Variants in GALNT15 observed in about 807,000 individuals in gnomAD.
GALNT15 encodes polypeptide N-acetylgalactosaminyltransferase 15.
Under a neutral mutation model 66.8 loss-of-function variants are expected in GALNT15, and 67 were observed. The ratio of observed to expected loss-of-function variants is 1.00; its 90% CI spans 0.82 to 1.23. GALNT15 has a LOEUF of 1.23. Among genes scored for constraint, GALNT15 ranks in the 50% most tolerant of loss-of-function variants. GALNT15 has a pLI of 0.00. For missense variants in GALNT15, 827 were observed against 804.3 expected (o/e 1.03, Z -0.34); for synonymous variants, 313 against 311.5 (o/e 1.00, Z -0.05).
At chr3:16,214,315 T>C (rs1006418379) in intron 6 of GALNT15, among the ~76,000 whole-genome samples, 2 of 152,240 alleles carry the variant, frequency 1.3e-5, no homozygotes, top group African/African-American at 2.4e-5. Flanking sequence ...TATAGTCTGA[T>C]GGTTAAGCCC....
Position 16,175,747 on chromosome 3 carries a change from A to G in GALNT15, c.539+57A>G. 6.8e-7 allele frequency: 1 copy of G among 1,465,720 alleles called. No individual in the cohort carries two copies. Among genetic ancestry groups the G allele is most frequent in the Non-Finnish European group, 9.1e-7 (1 of 1,097,510 alleles). 90.8% of individuals were successfully genotyped at this position (1,465,720 alleles called of 1,614,324 possible). A position where few individuals can be genotyped will look rare whatever the true frequency, so the allele number is the denominator to read the frequency against. On this transcript the variant is annotated intron_variant, in intron 1 of 9. Coordinates refer to ENST00000339732, the MANE Select transcript of GALNT15 (RefSeq NM_054110.5). This position sits in a 1 kb window ranked among gnomAD's most constrained non-coding sequence, Gnocchi z 5.6. Reference sequence around the variant, plus strand: ...TCCCAGGGCATGATCGGGTGGTAGCAAACTCGGGAATGCAAACTTTCCGTA... The same window carrying G: ...TCCCAGGGCATGATCGGGTGGTAGCGAACTCGGGAATGCAAACTTTCCGTA...
intron 2 of GALNT15, among the ~76,000 whole-genome samples, chr3:16,199,436 A>T (rs944059261): frequency 7.1e-6 from 1 of 141,450 alleles, no homozygotes; most frequent in African/African-American, 2.6e-5. Flanking sequence ...CTGCAATGAG[A>T]TCTCTTTGAC....
rs573435280 is a variant in GALNT15, at chr3:16,213,028, A to C, written c.1392+265A>C. 1.2e-4 allele frequency among the ~76,000 whole-genome samples: 19 copies of C among 152,050 alleles called. 2 individuals carry two copies. The South Asian group carries it at 4.0e-3, about 32-fold the overall frequency. On this transcript the variant is annotated intron_variant, in intron 6 of 9. Transcript: ENST00000339732. ...TGACATCTATGGGATGGGATCCCTCACCTGGGGCCAGGGGAGGGGTTGGCA... is the reference window on the plus strand; with the variant it reads ...TGACATCTATGGGATGGGATCCCTCCCCTGGGGCCAGGGGAGGGGTTGGCA...
intron 1 of GALNT15, among the ~76,000 whole-genome samples, chr3:16,179,174 A>T (rs561366385): frequency 1.1e-4 from 16 of 152,376 alleles, no homozygotes; most frequent in African/African-American, 3.8e-4. Flanking sequence ...TTGAGCACTT[A>T]CTATGTGCTA....
Position 16,181,879 on chromosome 3 carries a change from G to A in GALNT15, c.539+6189G>A, listed in dbSNP as rs555741401. ...CACAAACACCAACCTTCCAGCCCTC[G>A]AGTCCACAGTGGCCGCAGCAGAGGC... is the stretch of plus-strand genomic sequence containing the variant. On this transcript the variant is annotated intron_variant, in intron 1 of 9. Coordinates refer to ENST00000339732, the MANE Select transcript of GALNT15 (RefSeq NM_054110.5). This position sits in a 1 kb window ranked among gnomAD's most constrained non-coding sequence, Gnocchi z 5.9. Among the ~76,000 whole-genome samples the A allele has an allele frequency of 2.6e-5, 4 of 152,082 alleles. No homozygotes were observed. The highest frequency in any genetic ancestry group is 2.6e-4 in the Admixed American group (4 of 15,276).
chr3:16,232,346 G>A (rs941387479), downstream of GALNT15, among the ~76,000 whole-genome samples: 11 of 151,004 alleles, frequency 7.3e-5, no homozygotes, highest in Non-Finnish European at 1.5e-4. Context: ...CAGGAGGATC[G>A]CTTGAGCCCA....
chr3:16,175,521 A>C lies in GALNT15; in HGVS notation c.370A>C (p.Arg124=). 6.2e-7 allele frequency: 1 copy of C among 1,614,032 alleles called. No homozygotes were observed. ...GGSYRLIKQP[R]RQDKEAPKRD... ...GAGCTACCGCCTCATCAAGCAGCCAAGGAGGCAGGATAAGGAAGCCCCAAA... is the reference window on the plus strand; with the variant it reads ...GAGCTACCGCCTCATCAAGCAGCCACGGAGGCAGGATAAGGAAGCCCCAAA... Residue 124 remains arginine (R), a synonymous_variant, in exon 1 of 10, where the codon AGG becomes CGG. Coordinates refer to ENST00000339732, the MANE Select transcript of GALNT15 (RefSeq NM_054110.5). The surrounding 1 kb of genome is among the most constrained non-coding windows in gnomAD (Gnocchi z 5.6).
At position 16,203,154 on chromosome 3, in the gene GALNT15, G is replaced by T. The variant is rs933913209; in HGVS notation, c.911+2331G>T. ...AGCTGAGTCAGATTTTCTGACTCTG[G>T]GTCCAGTGCTGTTTTTATTGTGTAC... On this transcript the variant is annotated intron_variant, in intron 3 of 9. Coordinates refer to ENST00000339732, the MANE Select transcript of GALNT15 (RefSeq NM_054110.5). This position sits in a 1 kb window ranked among gnomAD's most constrained non-coding sequence, Gnocchi z 6.2. Among the ~76,000 whole-genome samples, 5 of 152,018 alleles carry T rather than the reference G, an allele frequency of 3.3e-5. No individual in the cohort carries two copies. Among genetic ancestry groups the T allele is most frequent in the African/African-American group, 1.2e-4 (5 of 41,388 alleles).
Position 16,209,522 on chromosome 3 carries a change from T to C in GALNT15, c.1079+852T>C, listed in dbSNP as rs1259728286. Among the ~76,000 whole-genome samples the C allele has an allele frequency of 1.3e-5, 2 of 152,172 alleles. No homozygotes were observed. Among genetic ancestry groups the C allele is most frequent in the Non-Finnish European group, 2.9e-5 (2 of 68,032 alleles). On this transcript the variant is annotated intron_variant, in intron 4 of 9. Coordinates refer to ENST00000339732, the MANE Select transcript of GALNT15 (RefSeq NM_054110.5). The surrounding 1 kb of genome is among the most constrained non-coding windows in gnomAD (Gnocchi z 4.1). ...TAAAAACCAAACATTTGTTTAATAA[T>C]TCATTAGGCAGCAGGCCAGATGCAG...
chr3:16,196,535 G>A (rs1383880836), intron 2 of GALNT15, among the ~76,000 whole-genome samples: 1 of 152,218 alleles, frequency 6.6e-6, no homozygotes, highest in East Asian at 1.9e-4. Context: ...AGCCCTAAAA[G>A]AAGATGGAGA....
chr3:16,237,258 C>T, the GALNT15 span, among the ~76,000 whole-genome samples: 1 of 152,194 alleles, frequency 6.6e-6, no homozygotes, highest in Non-Finnish European at 1.5e-5. The surrounding 1 kb of genome is among the most constrained non-coding windows in gnomAD (Gnocchi z 4.2). Flanking sequence ...ACCAGGCCAA[C>T]AAACCTTACT....
rs2063600655 is a variant in GALNT15 at position 16,193,460 on chromosome 3, A to T, written c.540-2300A>T. Among the ~76,000 whole-genome samples the T allele has an allele frequency of 6.6e-6, 1 of 152,180 alleles. No individual in the cohort carries two copies. Among genetic ancestry groups the T allele is most frequent in the Admixed American group, 6.5e-5 (1 of 15,282 alleles). ...CATTTATGGAAATAAATAGCTTGTA[A>T]ATTTATAAACCAACAAAATAATTAG... is the stretch of plus-strand genomic sequence containing the variant. On this transcript the variant is annotated intron_variant, in intron 1 of 9. Transcript: ENST00000339732. The surrounding 1 kb of genome is among the most constrained non-coding windows in gnomAD (Gnocchi z 4.7).
At chr3:16,235,290 G>A (rs188720979), downstream of GALNT15, among the ~76,000 whole-genome samples, 91 of 152,288 alleles carry the variant, frequency 6.0e-4, no homozygotes, top group Admixed American at 2.6e-3. Context: ...AATATGGAGT[G>A]GAGAGAGGCC....
intron 2 of GALNT15, among the ~76,000 whole-genome samples, chr3:16,196,676 G>A (rs748646559): frequency 2.0e-5 from 3 of 152,176 alleles, no homozygotes; most frequent in Non-Finnish European, 4.4e-5. Context: ...GAGTGGGGCC[G>A]AAGAATTTGC....
Position 16,227,885 on chromosome 3 carries a change from C to A in GALNT15, c.*385C>A. ...GATCAATTTATTTGTCTTCAAATGGCCTTAACTTGGATTGTCTGTTTGGCC... is the reference window on the plus strand; with the variant it reads ...GATCAATTTATTTGTCTTCAAATGGACTTAACTTGGATTGTCTGTTTGGCC... On this transcript the variant is annotated 3_prime_UTR_variant, in exon 10 of 10. Transcript: ENST00000339732. The surrounding 1 kb of genome is among the most constrained non-coding windows in gnomAD (Gnocchi z 4.5). The A allele has an allele frequency of 9.9e-7, 1 of 1,013,084 alleles. No homozygotes were observed. Among genetic ancestry groups the A allele is most frequent in the Non-Finnish European group, 1.2e-6 (1 of 848,308 alleles). The allele number at this position is 1,013,084 out of a possible 1,614,324, so 62.8% of individuals were successfully genotyped here.
chr3:16,200,542 G>A lies in GALNT15; in HGVS notation c.707-77G>A. 8.4e-7 allele frequency: 1 copy of A among 1,190,676 alleles called. No individual in the cohort carries two copies. The highest frequency in any genetic ancestry group is 1.1e-6 in the Non-Finnish European group (1 of 871,924). The allele number at this position is 1,190,676 out of a possible 1,614,324, so 73.8% of individuals were successfully genotyped here. A position where few individuals can be genotyped will look rare whatever the true frequency, so the allele number is the denominator to read the frequency against. Reference sequence around the variant, plus strand: ...TCACCACAGCTTCCAAAAGAGAGTTGCTGACGATTGTCTTAGTCACAATCT... The same window carrying A: ...TCACCACAGCTTCCAAAAGAGAGTTACTGACGATTGTCTTAGTCACAATCT... On this transcript the variant is annotated intron_variant, in intron 2 of 9. Transcript: ENST00000339732. The surrounding 1 kb of genome is among the most constrained non-coding windows in gnomAD (Gnocchi z 4.4).
intron 6 of GALNT15, among the ~76,000 whole-genome samples, chr3:16,215,842 G>C (rs973439824): frequency 1.3e-5 from 2 of 150,040 alleles, no homozygotes; most frequent in Non-Finnish European, 2.9e-5. Flanking sequence ...CCCAGAAGGC[G>C]GAGGTTGTAG....
downstream of GALNT15, among the ~76,000 whole-genome samples, chr3:16,233,147 G>A (rs1256206064): frequency 1.6e-5 from 2 of 122,324 alleles, no homozygotes; most frequent in Non-Finnish European, 3.3e-5. Flanking sequence ...CCAGGCTGGA[G>A]TGCAGTGGCA....
rs920950414 is a variant in GALNT15, at chr3:16,227,920, A to G, written c.*420A>G. On this transcript the variant is annotated 3_prime_UTR_variant, in exon 10 of 10. Transcript: ENST00000339732. This position sits in a 1 kb window ranked among gnomAD's most constrained non-coding sequence, Gnocchi z 4.5. ...GATTGTCTGTTTGGCCAACCATGAA[A>G]ATTAAAGAGTGAAGCAGATGTAATG... is the stretch of plus-strand genomic sequence containing the variant. The G allele has an allele frequency of 3.0e-6, 3 of 1,005,164 alleles. No homozygotes were observed. The highest frequency in any genetic ancestry group is 3.6e-6 in the Non-Finnish European group (3 of 843,242). The allele number at this position is 1,005,164 out of a possible 1,614,324, so 62.3% of individuals were successfully genotyped here.
Sources: allele counts gnomAD v4.1 joint callset (sites outside exome capture counted in the v4.1 genomes callset), GRCh38; gene constraint gnomAD v4.1.1; non-coding constraint Gnocchi (gnomAD v3.1); transcripts MANE v1.5; gene names NCBI Gene and HGNC (gene_info 2026-07-23, HGNC 2026-07-21).